DLGAP4: variants seen among roughly 807,000 people sequenced by gnomAD.
DLGAP4 encodes the protein disks large-associated protein 4.
In DLGAP4, 18 loss-of-function variants were observed where a neutral mutation model predicts 86.9. That is an observed-to-expected ratio of 0.21 (90% CI 0.14 to 0.31). The LOEUF is 0.31. DLGAP4 is among the 10% of genes least tolerant of loss of function. DLGAP4 has a pLI of 1.00. For synonymous variants in DLGAP4, 548 were observed against 574.3 expected (o/e 0.95, Z 0.65); for missense variants, 1,085 against 1,362.6 (o/e 0.80, Z 3.21).
chr20:36,369,092 C>A (rs1329914378), intron 2 of DLGAP4, among the ~76,000 whole-genome samples: 1 of 152,102 alleles, frequency 6.6e-6, no homozygotes, highest in African/African-American at 2.4e-5. Flanking sequence ...AGATGGAGGC[C>A]CGGGCGGCAG....
At chr20:36,470,483 C>T (rs189719819) in intron 7 of DLGAP4, among the ~76,000 whole-genome samples, 2 of 151,414 alleles carry the variant, frequency 1.3e-5, no homozygotes, top group East Asian at 1.9e-4. Flanking sequence ...TCTCTGGATA[C>T]GTTTTGCTGG....
intron 2 of DLGAP4, among the ~76,000 whole-genome samples, chr20:36,396,657 CCACACACATACCACAT>C (rs2032009208): frequency 7.2e-6 from 1 of 138,214 alleles, no homozygotes; most frequent in African/African-American, 2.7e-5. Flanking sequence ...CACACACACA[CCACACACATACCACAT>C]ACACATACCA....
chr20:36,476,705 G>GTT (rs35699904), intron 7 of DLGAP4, among the ~76,000 whole-genome samples: 178 of 85,334 alleles, frequency 2.1e-3, no homozygotes, highest in African/African-American at 3.7e-3. Context: ...TTTTTTTTTG[G>GTT]TTTTTTTTTT....
intron 2 of DLGAP4, among the ~76,000 whole-genome samples, chr20:36,398,819 T>C (rs2032072216): frequency 6.6e-6 from 1 of 152,214 alleles, no homozygotes; most frequent in African/African-American, 2.4e-5. Context: ...TCAGCCACTA[T>C]GCTGTGGTTC....
chr20:36,483,104 A>G (rs2035261624), intron 7 of DLGAP4, among the ~76,000 whole-genome samples: 1 of 152,206 alleles, frequency 6.6e-6, no homozygotes, highest in Admixed American at 6.5e-5. Flanking sequence ...GGCAGGGACC[A>G]CTGAGCAGAG....
intron 7 of DLGAP4, among the ~76,000 whole-genome samples, chr20:36,485,351 CAAAA>C (rs548217372): frequency 5.3e-5 from 4 of 75,738 alleles, no homozygotes; most frequent in Admixed American, 1.4e-4. Context: ...GACCCTGTCC[CAAAA>C]AAAAAAAAAA....
At chr20:36,448,433 C>T (rs985900324) in intron 7 of DLGAP4, among the ~76,000 whole-genome samples, 4 of 152,204 alleles carry the variant, frequency 2.6e-5, no homozygotes, top group Middle Eastern at 3.2e-3. Flanking sequence ...TTTGAGCTTA[C>T]TCTGGCAAGC....
At chr20:36,421,538 TGAGA>T (rs2032827845) in intron 2 of DLGAP4, among the ~76,000 whole-genome samples, 1 of 149,756 alleles carries the variant, frequency 6.7e-6, no homozygotes, top group Admixed American at 6.7e-5. Context: ...GTCATCTGAG[TGAGA>T]GATAGTGGGG....
rs752275693 is a variant in DLGAP4 at position 36,446,784 on chromosome 20, G to C, written c.1495G>C (p.Asp499His). The C allele has an allele frequency of 6.2e-7, 1 of 1,612,762 alleles. No homozygotes were observed. The highest frequency in any genetic ancestry group is 1.7e-5 in the Admixed American group (1 of 59,926). The change falls in exon 7 of 13, where the codon GAC becomes CAC. Residue 499 changes from aspartate (D) to histidine (H), a missense_variant. This residue lies in a region of DLGAP4 where 1,082 missense variants were observed against 1,344.1 expected (regional missense o/e 0.81). Coordinates refer to ENST00000339266, the MANE Select transcript of DLGAP4 (RefSeq NM_001365621.2). Reference protein sequence around the residue: ...EAESTAAETLDLPLPSYFRSR... With the variant: ...EAESTAAETLHLPLPSYFRSR... ...GGAGTCCACAGCGGCAGAGACGCTT[G>C]ACTTGCCACTGCCCAGCTACTTCCG...
intron 7 of DLGAP4, among the ~76,000 whole-genome samples, chr20:36,469,550 C>G (rs1033055944): frequency 6.6e-6 from 1 of 151,874 alleles, no homozygotes; most frequent in African/African-American, 2.4e-5. Flanking sequence ...GTCAGGAGTT[C>G]GAGACCAGCC....
At chr20:36,459,794 A>G (rs905204576) in intron 7 of DLGAP4, among the ~76,000 whole-genome samples, 1 of 152,070 alleles carries the variant, frequency 6.6e-6, no homozygotes, top group Non-Finnish European at 1.5e-5. Context: ...TTTAGTAGAG[A>G]CGGGATTTCT....
In DLGAP4 at chr20:36,520,444, C is replaced by G. The variant is rs2147852394; in HGVS notation, c.2513-3806C>G. 1.3e-5 allele frequency among the ~76,000 whole-genome samples: 2 copies of G among 152,186 alleles called. 1 individual carries two copies. The highest frequency in any genetic ancestry group is 4.2e-4 in the South Asian group (2 of 4,814). On this transcript the variant is annotated intron_variant, in intron 10 of 12. Coordinates refer to ENST00000339266, the MANE Select transcript of DLGAP4 (RefSeq NM_001365621.2). ...CACTGCACCCTCCACCTCCCAGGTT[C>G]AAGTGATTCTCCTGCCTCAGCACCC...
At chr20:36,485,893 G>T (rs190934439) in intron 7 of DLGAP4, among the ~76,000 whole-genome samples, 1 of 152,048 alleles carries the variant, frequency 6.6e-6, no homozygotes, top group Admixed American at 6.5e-5. Flanking sequence ...CCATTGCTCC[G>T]TGCCGAGGGT....
chr20:36,349,590 C>A (rs116626514), intron 1 of DLGAP4, among the ~76,000 whole-genome samples: 2 of 152,028 alleles, frequency 1.3e-5, no homozygotes, highest in Non-Finnish European at 2.9e-5. Flanking sequence ...GGCAGGAGTG[C>A]GCCTGGTTTG....
intron 3 of DLGAP4, among the ~76,000 whole-genome samples, chr20:36,433,152 A>C (rs2033173395): frequency 4.6e-5 from 7 of 152,212 alleles, no homozygotes; most frequent in Admixed American, 4.6e-4. Context: ...GGAAGTGCTC[A>C]GGAAATGTGA....
chr20:36,499,017 G>A (rs1470325191), intron 8 of DLGAP4: 8 of 539,478 alleles, frequency 1.5e-5, no homozygotes, highest in Non-Finnish European at 2.6e-5. Flanking sequence ...GGCTCCTGTG[G>A]GTGGCAGTTT....
rs192136997 is a variant in DLGAP4 at position 36,477,969 on chromosome 20, A to G, written c.1649-18736A>G. On this transcript the variant is annotated intron_variant, in intron 7 of 12. Transcript: ENST00000339266. Reference sequence around the variant, plus strand: ...TTCTTGTTGGTCAGTCTTTCGAAGGACAGTAGACTTGAAATAGATGTTTGC... The same window carrying G: ...TTCTTGTTGGTCAGTCTTTCGAAGGGCAGTAGACTTGAAATAGATGTTTGC... Among the ~76,000 whole-genome samples the G allele has an allele frequency of 2.1e-3, 325 of 152,308 alleles. 8 individuals are homozygous for G. The South Asian group carries it at 0.042, about 20-fold the overall frequency.
rs185395683 is a variant in DLGAP4 at position 36,425,006 on chromosome 20, C to T, written c.-72-6640C>T. On this transcript the variant is annotated intron_variant, in intron 2 of 12. Coordinates refer to ENST00000339266, the MANE Select transcript of DLGAP4 (RefSeq NM_001365621.2). ...GCGTGAGCCACCATGCCCAGCCTTA[C>T]ACTCCTTTTCTTTATGGTGCTCACA... Among the ~76,000 whole-genome samples the T allele has an allele frequency of 3.8e-3, 578 of 152,178 alleles. 2 individuals are homozygous for T. The highest frequency in any genetic ancestry group is 6.3e-3 in the Admixed American group (96 of 15,272).
intron 2 of DLGAP4, among the ~76,000 whole-genome samples, chr20:36,420,832 G>C (rs2032802908): frequency 6.6e-6 from 1 of 152,178 alleles, no homozygotes; most frequent in African/African-American, 2.4e-5. Flanking sequence ...AATTAGCCAG[G>C]CGTGGTGGCG....
Sources: allele counts gnomAD v4.1 joint callset (sites outside exome capture counted in the v4.1 genomes callset), GRCh38; gene constraint gnomAD v4.1.1; regional missense constraint gnomAD v4.1.1; transcripts MANE v1.5; gene names NCBI Gene and HGNC (gene_info 2026-07-23, HGNC 2026-07-21).